EXPH5: variants seen among roughly 807,000 people sequenced by gnomAD.
EXPH5 encodes the protein exophilin-5.
EXPH5 carries 42 observed loss-of-function variants against 41.1 expected under a neutral mutation model. The observed-to-expected ratio is 1.02, with a 90% confidence interval of 0.80 to 1.32. The LOEUF (loss-of-function observed/expected upper bound fraction) is 1.32, where lower values mean the gene tolerates loss of function less well. EXPH5 is among the 40% of genes most tolerant of loss of function. The pLI is 0.00. For synonymous variants in EXPH5, 798 were observed against 833.5 expected (o/e 0.96, Z 0.73); for missense variants, 2,298 against 2,314.5 (o/e 0.99, Z 0.15).
intron 1 of EXPH5, among the ~76,000 whole-genome samples, chr11:108,561,040 C>T (rs1295392601): frequency 1.3e-5 from 2 of 152,090 alleles, no homozygotes; most frequent in East Asian, 1.9e-4. Flanking sequence ...ATATAACTAA[C>T]ATTGGAGGAC....
chr11:108,593,530 T>A lies in EXPH5; in HGVS notation c.7A>T (p.Lys3Ter). 1.9e-6 allele frequency: 3 copies of A among 1,614,222 alleles called. No homozygotes were observed. The South Asian group carries it at 3.3e-5, about 18-fold the overall frequency. The change falls in exon 1 of 6, where the codon AAA (lysine) becomes TAA (stop). Residue 3 changes from lysine (K) to a stop codon, truncating the protein, a stop_gained. Coordinates refer to ENST00000265843, the MANE Select transcript of EXPH5 (RefSeq NM_015065.3). LOFTEE classifies it high-confidence loss of function. Reference sequence around the variant, plus strand: ...CTGAAATCAAACGCCGGAGGAACTTTCGTCATTTTCTTTACTGTGTGTGAG... The same window carrying A: ...CTGAAATCAAACGCCGGAGGAACTTACGTCATTTTCTTTACTGTGTGTGAG... MT[K>*]VPPAFDFSFL...
chr11:108,573,148 GAAA>G (rs1565830521), intron 1 of EXPH5, among the ~76,000 whole-genome samples: 20 of 108,420 alleles, frequency 1.8e-4, no homozygotes, highest in African/African-American at 9.0e-4. Flanking sequence ...AGGAAAGAAA[GAAA>G]GAAAGAAAGA....
At chr11:108,603,483 C>G in the EXPH5 span, among the ~76,000 whole-genome samples, 1 of 152,130 alleles carries the variant, frequency 6.6e-6, no homozygotes, top group Non-Finnish European at 1.5e-5. Context: ...TGGAGACCAG[C>G]CTGGGCAACA....
At chr11:108,539,813 G>A (rs2093902540) in intron 2 of EXPH5, among the ~76,000 whole-genome samples, 1 of 152,094 alleles carries the variant, frequency 6.6e-6, no homozygotes, top group Non-Finnish European at 1.5e-5. Flanking sequence ...GCTCATTGAA[G>A]CCTTTCAGAT....
At chr11:108,596,488 A>C (rs994985680), upstream of EXPH5, among the ~76,000 whole-genome samples, 3 of 152,206 alleles carry the variant, frequency 2.0e-5, no homozygotes, top group African/African-American at 7.2e-5. Flanking sequence ...TAGTATGAGA[A>C]ACAAGGTTTG....
chr11:108,539,566 C>T (rs1347225912), intron 2 of EXPH5, among the ~76,000 whole-genome samples: 1 of 152,156 alleles, frequency 6.6e-6, no homozygotes, highest in Non-Finnish European at 1.5e-5. Flanking sequence ...TAGATACATA[C>T]TACATAACTT....
intron 3 of EXPH5, among the ~76,000 whole-genome samples, chr11:108,530,413 A>C (rs995313532): frequency 6.6e-6 from 1 of 152,200 alleles, no homozygotes; most frequent in African/African-American, 2.4e-5. Flanking sequence ...AGTAAAATGC[A>C]TGGGAAATGC....
At chr11:108,532,140 T>C (rs2135996736) in intron 3 of EXPH5, among the ~76,000 whole-genome samples, 1 of 151,358 alleles carries the variant, frequency 6.6e-6, no homozygotes, top group South Asian at 2.1e-4. Context: ...TCCTACATAC[T>C]TTCCAGCCTC....
intron 1 of EXPH5, among the ~76,000 whole-genome samples, chr11:108,544,831 C>T (rs571612962): frequency 1.3e-5 from 2 of 152,242 alleles, no homozygotes; most frequent in South Asian, 4.1e-4. Context: ...TTTGGGCACA[C>T]ACACACAAAA....
the EXPH5 span, among the ~76,000 whole-genome samples, chr11:108,601,314 G>A: frequency 6.6e-6 from 1 of 152,128 alleles, no homozygotes; most frequent in African/African-American, 2.4e-5. Flanking sequence ...TTGCTGACTA[G>A]GTAGACAAAC....
At chr11:108,579,334 G>T (rs1294049446) in intron 1 of EXPH5, among the ~76,000 whole-genome samples, 3 of 151,750 alleles carry the variant, frequency 2.0e-5, no homozygotes, top group African/African-American at 7.3e-5. Flanking sequence ...TGCATATGTT[G>T]AACCATCTTT....
intron 1 of EXPH5, among the ~76,000 whole-genome samples, chr11:108,564,202 C>T (rs564753579): frequency 3.5e-4 from 53 of 152,156 alleles, no homozygotes; most frequent in African/African-American, 1.2e-3. Flanking sequence ...GCAGGAGAAT[C>T]GCTTGAACCC....
At chr11:108,581,583 A>T (rs984265902) in intron 1 of EXPH5, among the ~76,000 whole-genome samples, 10 of 152,096 alleles carry the variant, frequency 6.6e-5, no homozygotes, top group African/African-American at 2.2e-4. Flanking sequence ...TCAATAATCT[A>T]AGTTTTCACC....
chr11:108,593,395 A>G (rs1159795557), intron 1 of EXPH5, 23 bp downstream of exon 1: 5 of 1,605,508 alleles, frequency 3.1e-6, no homozygotes, highest in Middle Eastern at 1.6e-4. Context: ...GCCCAGGACA[A>G]AAGAAATGAA....
chr11:108,511,942 T>G lies in EXPH5; in HGVS notation c.3565A>C (p.Thr1189Pro). 2 of 1,601,004 alleles carry G rather than the reference T, an allele frequency of 1.2e-6. No homozygotes were observed. Among genetic ancestry groups the G allele is most frequent in the Non-Finnish European group, 1.7e-6 (2 of 1,176,386 alleles). The change falls in exon 6 of 6, where the codon ACT becomes CCT. Residue 1189 changes from threonine to proline, a missense_variant. Coordinates refer to ENST00000265843, the MANE Select transcript of EXPH5 (RefSeq NM_015065.3). ...GCAGCCATTTTACCCTCTTTCTCAG[T>G]GTATTCTTGGAAGTTTTCCTTTTGG... ...QHQKENFQEYTEKEGKMAASR... is the reference protein window; with the variant it reads ...QHQKENFQEYPEKEGKMAASR...
chr11:108,563,623 T>C (rs1030379803), intron 1 of EXPH5, among the ~76,000 whole-genome samples: 8 of 151,916 alleles, frequency 5.3e-5, no homozygotes, highest in African/African-American at 1.9e-4. Flanking sequence ...CCAGAGAGAG[T>C]GATGCCACCT....
At chr11:108,516,055 G>C (rs1195498508) in intron 5 of EXPH5, among the ~76,000 whole-genome samples, 18 of 133,750 alleles carry the variant, frequency 1.3e-4, no homozygotes, top group Admixed American at 4.3e-4. Flanking sequence ...CTGGGCGAAA[G>C]AGCGAGACTC....
chr11:108,588,496 C>T (rs1357533030), intron 1 of EXPH5, among the ~76,000 whole-genome samples: 2 of 152,144 alleles, frequency 1.3e-5, no homozygotes, highest in Non-Finnish European at 2.9e-5. Context: ...GTTCCCAAAT[C>T]GGACACTCCC....
intron 1 of EXPH5, among the ~76,000 whole-genome samples, chr11:108,576,741 T>C (rs141114553): frequency 1.7e-3 from 258 of 152,322 alleles, no homozygotes; most frequent in Non-Finnish European, 2.8e-3. Context: ...GTTGGAAACA[T>C]TCCAGATCTT....
Sources: gnomAD v4.1 joint callset for allele counts (sites outside exome capture counted in the v4.1 genomes callset) on GRCh38, gnomAD v4.1.1 for gene constraint, MANE v1.5 for transcripts, NCBI Gene and HGNC (gene_info 2026-07-23, HGNC 2026-07-21) for gene names.